AGR3: variants seen among roughly 807,000 people sequenced by gnomAD.
The protein encoded by AGR3 is anterior gradient protein 3.
A neutral mutation model predicts 24.5 loss-of-function variants in AGR3; 37 were observed. The ratio of observed to expected loss-of-function variants is 1.51; its 90% CI spans 1.16 to 1.99. The LOEUF (loss-of-function observed/expected upper bound fraction) is 1.99, where lower values mean the gene tolerates loss of function less well. Among genes scored for constraint, AGR3 ranks in the 30% most tolerant of loss-of-function variants. AGR3 has a pLI of 0.00. For synonymous variants in AGR3, 75 were observed against 61.6 expected (o/e 1.22, Z -1.02); for missense variants, 228 against 191.1 (o/e 1.19, Z -1.14).
intron 1 of AGR3, among the ~76,000 whole-genome samples, chr7:16,881,551 T>C (rs1409635006): frequency 6.6e-6 from 1 of 152,220 alleles, no homozygotes; most frequent in Non-Finnish European, 1.5e-5. Flanking sequence ...GCAATTAGAT[T>C]GTATAAACAT....
chr7:16,862,920 A>G (rs1562545335), intron 3 of AGR3, among the ~76,000 whole-genome samples: 1 of 152,206 alleles, frequency 6.6e-6, no homozygotes, highest in Non-Finnish European at 1.5e-5. Flanking sequence ...TCCATTCCAA[A>G]ATTAGCTGGG....
rs1454091141 is a variant in AGR3 at position 16,881,924 on chromosome 7, T to TG, written c.-28+19dup. ...AAGCTTGACCACTGATTAAGTAATC[T>TG]GGAAAATTTGCTTGCTTACCTGACT... On this transcript the variant is annotated intron_variant, in intron 1 of 7. Transcript: ENST00000310398. The TG allele has an allele frequency of 2.1e-6, 1 of 471,096 alleles. No individual in the cohort carries two copies. Among genetic ancestry groups the TG allele is most frequent in the African/African-American group, 2.0e-5 (1 of 50,200 alleles). The allele number at this position is 471,096 out of a possible 1,614,324, so 29.2% of individuals were successfully genotyped here.
chr7:16,873,699 ACT>A, intron 3 of AGR3, 79 bp downstream of exon 3: 1 of 1,078,496 alleles, frequency 9.3e-7, no homozygotes, highest in South Asian at 1.3e-5. Context: ...TCAGCATATC[ACT>A]CTATATTCCA....
At chr7:16,872,350 T>C (rs1202631779) in intron 3 of AGR3, among the ~76,000 whole-genome samples, 4 of 152,086 alleles carry the variant, frequency 2.6e-5, no homozygotes, top group Non-Finnish European at 5.9e-5. Context: ...AGAACATGCA[T>C]TGGGGAAAGG....
At chr7:16,861,299 A>C in intron 6 of AGR3, 85 bp downstream of exon 6, 1 of 1,038,944 alleles carries the variant, frequency 9.6e-7, no homozygotes, top group Non-Finnish European at 1.4e-6. Context: ...AAAGAATAGT[A>C]CTTGAACTAG....
rs940287791 is a variant in AGR3, at chr7:16,861,504, C to T, written c.304-57G>A. 1.0e-5 allele frequency: 15 copies of T among 1,464,952 alleles called. 1 individual carries two copies. Among genetic ancestry groups the T allele is most frequent in the Non-Finnish European group, 1.4e-5 (15 of 1,057,472 alleles). The allele number at this position is 1,464,952 out of a possible 1,614,324, so 90.7% of individuals were successfully genotyped here. ...TGGATTCATTTGTTTTTGATAGTTT[C>T]AAGATGATTTTGTGTGACTGTCAGT... On this transcript the variant is annotated intron_variant, in intron 5 of 7. Transcript: ENST00000310398.
intron 6 of AGR3, 52 bp downstream of exon 6, chr7:16,861,332 T>G (rs906523132): frequency 2.2e-5 from 30 of 1,365,134 alleles, no homozygotes; most frequent in Non-Finnish European, 2.9e-5. Context: ...AAAGCAAGAA[T>G]GCTGATTTCT....
chr7:16,861,989 G>A lies in AGR3; in HGVS notation c.298C>T (p.Leu100Phe), dbSNP rs201035892. The change falls in exon 5 of 8, where the codon CTT becomes TTT. Residue 100 changes from leucine to phenylalanine, a missense_variant. Coordinates refer to ENST00000310398, the MANE Select transcript of AGR3 (RefSeq NM_176813.5). ...MAQNKFIMLN[L>F]MHETTDKNLS... Reference sequence around the variant, plus strand: ...ACATCACAAAGTTTATGTACCATAAGGTTTAGCATGATGAACTTATTCTGA... The same window carrying A: ...ACATCACAAAGTTTATGTACCATAAAGTTTAGCATGATGAACTTATTCTGA... 3 of 1,609,316 alleles carry A rather than the reference G, an allele frequency of 1.9e-6. No individual in the cohort carries two copies. The highest frequency in any genetic ancestry group is 2.2e-5 in the East Asian group (1 of 44,800).
chr7:16,857,329 A>G (rs1781566597), downstream of AGR3, among the ~76,000 whole-genome samples: 1 of 152,222 alleles, frequency 6.6e-6, no homozygotes, highest in Non-Finnish European at 1.5e-5. Context: ...ATATTAAAAT[A>G]TAAAGGTATA....
chr7:16,863,732 A>G (rs1185503207), intron 3 of AGR3, among the ~76,000 whole-genome samples: 1 of 151,812 alleles, frequency 6.6e-6, no homozygotes, highest in African/African-American at 2.4e-5. Flanking sequence ...TTTATATTAT[A>G]TTCTATTATA....
At chr7:16,880,020 C>A (rs376445721) in intron 1 of AGR3, among the ~76,000 whole-genome samples, 1 of 147,700 alleles carries the variant, frequency 6.8e-6, no homozygotes, top group South Asian at 2.1e-4. Flanking sequence ...ACTTTATTTC[C>A]CTCCCTAATC....
At chr7:16,867,483 T>C (rs896664175) in intron 3 of AGR3, among the ~76,000 whole-genome samples, 20 of 152,234 alleles carry the variant, frequency 1.3e-4, no homozygotes, top group African/African-American at 4.3e-4. Flanking sequence ...ATTTAACATA[T>C]TCATCATCTC....
chr7:16,875,041 G>A (rs1189951953), intron 2 of AGR3, among the ~76,000 whole-genome samples: 1 of 151,334 alleles, frequency 6.6e-6, no homozygotes, highest in Non-Finnish European at 1.5e-5. Context: ...GCTTGAACCT[G>A]GGGGTGGATG....
intron 3 of AGR3, among the ~76,000 whole-genome samples, chr7:16,870,715 C>CT (rs1781848728): frequency 1.3e-5 from 2 of 152,002 alleles, no homozygotes; most frequent in African/African-American, 4.8e-5. Context: ...TTTCTTAATC[C>CT]TAAACCACTC....
At chr7:16,862,152 T>A (rs915548999) in intron 4 of AGR3, 92 bp from the exon 5 acceptor site, 2 of 994,894 alleles carry the variant, frequency 2.0e-6, no homozygotes, top group African/African-American at 3.2e-5. Context: ...TAGCATTTGT[T>A]TGCATATATA....
intron 2 of AGR3, among the ~76,000 whole-genome samples, chr7:16,874,378 T>G (rs561434085): frequency 6.6e-6 from 1 of 152,074 alleles, no homozygotes; most frequent in South Asian, 2.1e-4. Context: ...AGAGACATAA[T>G]AAAACGCATG....
chr7:16,861,564 C>T (rs1222423354), intron 5 of AGR3, 117 bp from the exon 6 acceptor site: 5 of 791,170 alleles, frequency 6.3e-6, no homozygotes, highest in South Asian at 1.8e-5. Flanking sequence ...TTCCATACAA[C>T]TTTCTGTATT....
chr7:16,875,592 G>A (rs1228183977), intron 2 of AGR3, among the ~76,000 whole-genome samples: 1 of 151,900 alleles, frequency 6.6e-6, no homozygotes, highest in Admixed American at 6.6e-5. Context: ...TTTTTCAGTG[G>A]TATATATTTT....
At chr7:16,855,603 G>T (rs1050793846), downstream of AGR3, among the ~76,000 whole-genome samples, 2 of 152,140 alleles carry the variant, frequency 1.3e-5, no homozygotes, top group Non-Finnish European at 2.9e-5. Flanking sequence ...TGGGGACAGG[G>T]ACTTTCTGCT....
Sources: gnomAD v4.1 joint callset for allele counts (sites outside exome capture counted in the v4.1 genomes callset) on GRCh38, gnomAD v4.1.1 for gene constraint, MANE v1.5 for transcripts, NCBI Gene and HGNC (gene_info 2026-07-23, HGNC 2026-07-21) for gene names.